FAT3: variants seen among roughly 807,000 people sequenced by gnomAD.
The protein encoded by FAT3 is protocadherin Fat 3.
In FAT3, 95 loss-of-function variants were observed where a neutral mutation model predicts 310.2. The ratio of observed to expected loss-of-function variants is 0.31; its 90% CI spans 0.26 to 0.36. The LOEUF is 0.36. Among genes scored for constraint, FAT3 ranks in the 10% least tolerant of loss-of-function variants. FAT3 has a pLI of 1.00. For missense variants in FAT3, 5,408 were observed against 5,715.6 expected (o/e 0.95, Z 1.74); for synonymous variants, 2,314 against 2,192.9 (o/e 1.06, Z -1.54).
At chr11:92,710,056 A>T (rs375956764) in intron 4 of FAT3, among the ~76,000 whole-genome samples, 12 of 152,216 alleles carry the variant, frequency 7.9e-5, no homozygotes, top group Middle Eastern at 3.2e-3. Flanking sequence ...CCTTGCTGTT[A>T]TGTAATTGAA....
chr11:92,815,658 C>T (rs1273896965), intron 13 of FAT3, among the ~76,000 whole-genome samples: 4 of 152,180 alleles, frequency 2.6e-5, no homozygotes, highest in African/African-American at 9.6e-5. Flanking sequence ...ATTTTGGCAA[C>T]TGACTAGACT....
chr11:92,306,740 T>TAC (rs1269273384), intron 1 of FAT3, among the ~76,000 whole-genome samples: 1 of 125,390 alleles, frequency 8.0e-6, no homozygotes, highest in Admixed American at 1.1e-4. Flanking sequence ...TATATTTATA[T>TAC]ATAAATATAT....
chr11:92,798,911 C>G lies in FAT3; in HGVS notation c.5898C>G (p.Ser1966=). 6.2e-7 allele frequency: 1 copy of G among 1,613,992 alleles called. No homozygotes were observed. Among genetic ancestry groups the G allele is most frequent in the East Asian group, 2.2e-5 (1 of 44,880 alleles). ...KVSDGKFYST[S]MVTIMVKEAM... ...CTGATGGAAAGTTCTACAGTACCTC[C>G]ATGGTCACCATCATGGTTAAAGAAG... is the stretch of plus-strand genomic sequence containing the variant. The change falls in exon 10 of 28, where the codon TCC becomes TCG. Residue 1966 remains serine (S), a synonymous_variant. Transcript: ENST00000525166.
At chr11:92,722,363 C>T (rs1262776870) in intron 4 of FAT3, among the ~76,000 whole-genome samples, 2 of 152,204 alleles carry the variant, frequency 1.3e-5, no homozygotes, top group Non-Finnish European at 2.9e-5. Flanking sequence ...ATATCCAGGT[C>T]ATGCTGATAC....
In FAT3 at chr11:92,792,878, G is replaced by C; in HGVS notation, c.4723G>C (p.Val1575Leu). Residue 1575 changes from valine to leucine, a missense_variant, in exon 9 of 28, where the codon GTG (valine) becomes CTG (leucine). Transcript: ENST00000525166. ...YFTNPLYEASVFESAALGSAV... is the reference protein window; with the variant it reads ...YFTNPLYEASLFESAALGSAV... ...TACCAACCCACTGTATGAAGCGTCTGTGTTTGAATCTGCTGCTCTGGGATC... is the reference window on the plus strand; with the variant it reads ...TACCAACCCACTGTATGAAGCGTCTCTGTTTGAATCTGCTGCTCTGGGATC... The C allele has an allele frequency of 6.2e-7, 1 of 1,613,888 alleles. No homozygotes were observed. Among genetic ancestry groups the C allele is most frequent in the Non-Finnish European group, 8.5e-7 (1 of 1,179,804 alleles).
At chr11:92,616,378 A>AT (rs141873135) in intron 3 of FAT3, among the ~76,000 whole-genome samples, 1 of 151,750 alleles carries the variant, frequency 6.6e-6, no homozygotes, top group Non-Finnish European at 1.5e-5. Flanking sequence ...GTGTCTCTGC[A>AT]GTGAGATGGG....
intron 4 of FAT3, among the ~76,000 whole-genome samples, chr11:92,731,980 T>C (rs546135490): frequency 6.6e-5 from 10 of 152,332 alleles, no homozygotes; most frequent in Non-Finnish European, 1.3e-4. Context: ...CAGTTATAGA[T>C]CATGAATTCC....
intron 6 of FAT3, among the ~76,000 whole-genome samples, chr11:92,766,357 G>C (rs528096443): frequency 6.6e-6 from 1 of 152,196 alleles, no homozygotes; most frequent in African/African-American, 2.4e-5. Flanking sequence ...CCAGGAGAGA[G>C]TCGGTCTGGG....
chr11:92,796,274 T>C (rs1947171323), intron 9 of FAT3, among the ~76,000 whole-genome samples: 1 of 152,244 alleles, frequency 6.6e-6, no homozygotes, highest in African/African-American at 2.4e-5. Flanking sequence ...CATCACAAAA[T>C]GGCCATGTTT....
rs748746026 is a variant in FAT3, at chr11:92,354,013, A to G, written c.1901A>G (p.Gln634Arg). ...TTAAACCCAGATTCTGGTGTTTTAC[A>G]GCTTAAAAAATCACTGACAAATTCT... ...FYLNPDSGVLQLKKSLTNSGI... is the reference protein window; with the variant it reads ...FYLNPDSGVLRLKKSLTNSGI... Residue 634 changes from glutamine to arginine, a missense_variant, in exon 2 of 28, where the codon CAG becomes CGG. Coordinates refer to ENST00000525166, the MANE Select transcript of FAT3 (RefSeq NM_001367949.2). 2 of 1,613,208 alleles carry G rather than the reference A, an allele frequency of 1.2e-6. No individual in the cohort carries two copies. The highest frequency in any genetic ancestry group is 1.1e-5 in the South Asian group (1 of 90,996).
intron 2 of FAT3, among the ~76,000 whole-genome samples, chr11:92,427,764 G>T (rs560921967): frequency 3.9e-5 from 6 of 152,172 alleles, no homozygotes; most frequent in South Asian, 2.1e-4. Flanking sequence ...TCCTGGATTT[G>T]TTTTGCCAGT....
intron 1 of FAT3, among the ~76,000 whole-genome samples, chr11:92,309,174 A>C (rs1947222922): frequency 9.9e-6 from 1 of 101,094 alleles, no homozygotes. Flanking sequence ...CCTTTCCTGC[A>C]AAGCTGTGAA....
intron 3 of FAT3, among the ~76,000 whole-genome samples, chr11:92,621,699 G>A (rs189355221): frequency 1.1e-4 from 16 of 152,200 alleles, no homozygotes; most frequent in South Asian, 2.1e-4. Context: ...CTTGTAATCC[G>A]TTCTGTTCTT....
Position 92,488,891 on chromosome 11 carries a change from A to G in FAT3, c.3293-35743A>G, listed in dbSNP as rs112050015. 2.0e-3 allele frequency among the ~76,000 whole-genome samples: 303 copies of G among 152,202 alleles called. 1 individual carries two copies. The highest frequency in any genetic ancestry group is 6.8e-3 in the African/African-American group (283 of 41,538). ...CATGGGCAAATTTATTAACCTTTCTATGTCTCCATTTCCTCAACACTAAAG... is the reference window on the plus strand; with the variant it reads ...CATGGGCAAATTTATTAACCTTTCTGTGTCTCCATTTCCTCAACACTAAAG... On this transcript the variant is annotated intron_variant, in intron 2 of 27. Transcript: ENST00000525166.
intron 2 of FAT3, among the ~76,000 whole-genome samples, chr11:92,465,419 C>T (rs1951734220): frequency 6.6e-6 from 1 of 152,126 alleles, no homozygotes; most frequent in Admixed American, 6.6e-5. Context: ...TACAGTCCCA[C>T]CAACAGTGTA....
chr11:92,863,801 A>G (rs754196392), intron 21 of FAT3, among the ~76,000 whole-genome samples: 1 of 152,244 alleles, frequency 6.6e-6, no homozygotes, highest in South Asian at 2.1e-4. Flanking sequence ...GAACATAGAC[A>G]TGAAAAGACA....
intron 4 of FAT3, among the ~76,000 whole-genome samples, chr11:92,754,749 T>G (rs1389587132): frequency 6.9e-6 from 1 of 144,428 alleles, no homozygotes; most frequent in Non-Finnish European, 1.5e-5. Context: ...GCACTTGTAA[T>G]CCCAGCTACT....
chr11:92,562,424 G>A (rs1322872570), intron 3 of FAT3, among the ~76,000 whole-genome samples: 1 of 152,102 alleles, frequency 6.6e-6, no homozygotes, highest in Admixed American at 6.5e-5. Flanking sequence ...TTACTCTGAT[G>A]TAAATTTCTT....
intron 3 of FAT3, among the ~76,000 whole-genome samples, chr11:92,599,928 G>C (rs1326980124): frequency 6.6e-6 from 1 of 152,114 alleles, no homozygotes; most frequent in African/African-American, 2.4e-5. Context: ...ATGACTGCAG[G>C]TTATCATATA....
Sources: gnomAD v4.1 joint callset for allele counts (sites outside exome capture counted in the v4.1 genomes callset) on GRCh38, gnomAD v4.1.1 for gene constraint, MANE v1.5 for transcripts, NCBI Gene and HGNC (gene_info 2026-07-23, HGNC 2026-07-21) for gene names.